The following SEMA4F variants were observed in gnomAD, a reference collection of about 807,000 sequenced individuals.
SEMA4F encodes semaphorin-4F.
A neutral mutation model predicts 78.4 loss-of-function variants in SEMA4F; 51 were observed. The observed-to-expected ratio is 0.65, with a 90% CI of 0.52 to 0.82. The LOEUF is 0.82. Ranked by LOEUF, SEMA4F falls within the 40% of genes least tolerant of loss-of-function variation. The probability of loss-of-function intolerance (pLI) is 0.00; values close to 1 mark genes in which losing one functional copy is unlikely to be tolerated. For missense variants in SEMA4F, 938 were observed against 1,014.4 expected, an observed-to-expected ratio of 0.92 and a Z score of 1.02; for synonymous variants, 418 against 408.7, an observed-to-expected ratio of 1.02 and a Z score of -0.27.
chr2:74,700,875 C>T, the SEMA4F span, among the ~76,000 whole-genome samples: 1 of 152,168 alleles, frequency 6.6e-6, no homozygotes. Flanking sequence ...CTTGAGGTCT[C>T]TGGAGAATTC....
At chr2:74,705,937 T>A in the SEMA4F span, among the ~76,000 whole-genome samples, 1 of 150,938 alleles carries the variant, frequency 6.6e-6, no homozygotes, top group East Asian at 2.0e-4. Context: ...TGTTTGGAGG[T>A]TACAAGTTAT....
downstream of SEMA4F, among the ~76,000 whole-genome samples, chr2:74,687,757 G>T (rs1029972978): frequency 1.3e-5 from 2 of 151,984 alleles, no homozygotes; most frequent in African/African-American, 4.8e-5. Context: ...ATAGCTTTAG[G>T]GTGTCCTTCT....
chr2:74,668,113 AGTCAGTT>A (rs1316684162), intron 5 of SEMA4F, among the ~76,000 whole-genome samples: 1 of 152,186 alleles, frequency 6.6e-6, no homozygotes, highest in East Asian at 1.9e-4. Flanking sequence ...TAGAGACAGC[AGTCAGTT>A]GTCTTTGGGC....
intron 11 of SEMA4F, 46 bp downstream of exon 11, chr2:74,675,680 C>T (rs1162344310): frequency 6.2e-7 from 1 of 1,612,788 alleles, no homozygotes. Context: ...CATCTGAGTC[C>T]AGAGCCAGTT....
rs1418364611 is a variant in SEMA4F, at chr2:74,679,657, T to C, written c.1761T>C (p.Cys587=). 8.7e-6 allele frequency: 14 copies of C among 1,612,976 alleles called. No individual in the cohort carries two copies. The highest frequency in any genetic ancestry group is 1.1e-5 in the Non-Finnish European group (13 of 1,179,526). ...VATAAHVVLP[C]SPSSAWASCV... The stretch of plus-strand genomic sequence containing the variant: ...CAGCTGCGCATGTGGTCTTGCCATG[T>C]TCTCCAAGCTCAGCATGGGCATCCT... Residue 587 remains cysteine (C), a synonymous_variant, in exon 14 of 14, where the codon TGT becomes TGC. Transcript: ENST00000357877.
chr2:74,675,206 C>G lies in SEMA4F; in HGVS notation c.1194C>G (p.Leu398=). The G allele has an allele frequency of 5.0e-6, 8 of 1,614,200 alleles. No homozygotes were observed. The highest frequency in any genetic ancestry group is 6.8e-6 in the Non-Finnish European group (8 of 1,180,040). Residue 398 remains leucine, a synonymous_variant, in exon 10 of 14, where the codon CTC becomes CTG. Transcript: ENST00000357877. ...AGCTCCGGCACTTTGGCTCATCTCT[C>G]TCCCTGCCTGACCGCGTACTCACCT... ...NMKLRHFGSS[L]SLPDRVLTFI...
Position 74,679,950 on chromosome 2 carries a change from AGCGACG to A in SEMA4F, c.2060_2065del (p.Arg687_Arg688del), listed in dbSNP as rs767234315. 1 of 1,614,254 alleles carries A rather than the reference AGCGACG, an allele frequency of 6.2e-7. No individual in the cohort carries two copies. Among genetic ancestry groups the A allele is most frequent in the Non-Finnish European group, 8.5e-7 (1 of 1,180,050 alleles). ...CTCATTCTGATTGGTCGGCGTCAGCAGCGACGGCGACAGAGGGAACTTCTGGCTAGA... is the reference window on the plus strand; with the variant it reads ...CTCATTCTGATTGGTCGGCGTCAGCAGCGACAGAGGGAACTTCTGGCTAGA... On this transcript the variant is annotated inframe_deletion, in exon 14 of 14. Transcript: ENST00000357877.
In SEMA4F at chr2:74,680,559, G is replaced by A. The variant is rs1024173922; in HGVS notation, c.*350G>A. On this transcript the variant is annotated 3_prime_UTR_variant, in exon 14 of 14. Coordinates refer to ENST00000357877, the MANE Select transcript of SEMA4F (RefSeq NM_004263.5). ...GCTATGACTTTGCTTTCTGGTTGGA[G>A]CCTGGCCGGAAGGAAGAGCCCTGGA... is the stretch of plus-strand genomic sequence containing the variant. 2.1e-5 allele frequency: 4 copies of A among 188,346 alleles called. No homozygotes were observed. Among genetic ancestry groups the A allele is most frequent in the African/African-American group, 9.4e-5 (4 of 42,768 alleles). The allele number at this position is 188,346 out of a possible 1,614,324, so 11.7% of individuals were successfully genotyped here.
chr2:74,680,327 G>A lies in SEMA4F; in HGVS notation c.*118G>A, dbSNP rs1333492749. 1.0e-5 allele frequency: 12 copies of A among 1,198,026 alleles called. No individual in the cohort carries two copies. In the South Asian group the frequency reaches 1.5e-4, roughly 15 times the overall value. The allele number at this position is 1,198,026 out of a possible 1,614,324, so 74.2% of individuals were successfully genotyped here. ...GCCTCTGAGTTCTCTTTGAGTATGA[G>A]TGATTACTTGGATTTTAGTATCTGT... is the stretch of plus-strand genomic sequence containing the variant. On this transcript the variant is annotated 3_prime_UTR_variant, in exon 14 of 14. Coordinates refer to ENST00000357877, the MANE Select transcript of SEMA4F (RefSeq NM_004263.5).
intron 12 of SEMA4F, 52 bp downstream of exon 12, chr2:74,675,961 T>C (rs773910430): frequency 8.7e-5 from 135 of 1,545,096 alleles, no homozygotes; most frequent in Non-Finnish European, 1.1e-4. Flanking sequence ...CTCTGTCCCA[T>C]CCATATGTCT....
the SEMA4F span, among the ~76,000 whole-genome samples, chr2:74,696,774 C>A: frequency 3.9e-5 from 6 of 152,146 alleles, no homozygotes; most frequent in Admixed American, 2.6e-4. Context: ...ATTCTTATTT[C>A]CATTATTTTT....
At chr2:74,656,464 T>G in intron 1 of SEMA4F, 70 bp from the exon 2 acceptor site, 1 of 1,525,142 alleles carries the variant, frequency 6.6e-7, no homozygotes, top group Non-Finnish European at 8.9e-7. Context: ...ATTGGCCCCT[T>G]TGGTTTTGCT....
intron 8 of SEMA4F, 34 bp downstream of exon 8, chr2:74,674,710 G>A (rs1199518543): frequency 1.9e-6 from 3 of 1,606,664 alleles, no homozygotes; most frequent in Non-Finnish European, 1.7e-6. Flanking sequence ...GAGTTACAGG[G>A]TGGGAGATAT....
At chr2:74,657,822 C>A in intron 3 of SEMA4F, 31 bp from the exon 4 acceptor site, 1 of 1,597,350 alleles carries the variant, frequency 6.3e-7, no homozygotes. Context: ...CCTGCTGCTT[C>A]TGATTCTTTC....
chr2:74,707,376 C>T, the SEMA4F span, among the ~76,000 whole-genome samples: 2 of 151,896 alleles, frequency 1.3e-5, no homozygotes, highest in Non-Finnish European at 2.9e-5. Context: ...TCTATCTATC[C>T]ATCTATCCAA....
chr2:74,688,175 C>T (rs1432223846), downstream of SEMA4F, among the ~76,000 whole-genome samples: 4 of 152,240 alleles, frequency 2.6e-5, no homozygotes, highest in Middle Eastern at 3.4e-3. Context: ...CCAGGTCTCT[C>T]GGATTCCAAA....
intron 5 of SEMA4F, among the ~76,000 whole-genome samples, chr2:74,663,774 A>T (rs1350516828): frequency 6.6e-6 from 1 of 152,206 alleles, no homozygotes; most frequent in Non-Finnish European, 1.5e-5. Context: ...AACACCTCAC[A>T]CTAGGTCCAC....
the SEMA4F span, among the ~76,000 whole-genome samples, chr2:74,692,883 G>T: frequency 3.9e-5 from 6 of 152,318 alleles, no homozygotes; most frequent in Admixed American, 3.3e-4. Context: ...AATGAGTTTT[G>T]CATGTGCACA....
At position 74,658,414 on chromosome 2, in the gene SEMA4F, CT is replaced by C. The variant is rs1684266973; in HGVS notation, c.456+464del. On this transcript the variant is annotated intron_variant, in intron 4 of 13. Coordinates refer to ENST00000357877, the MANE Select transcript of SEMA4F (RefSeq NM_004263.5). This position sits in a 1 kb window ranked among gnomAD's most constrained non-coding sequence, Gnocchi z 4.3. ...CTCTTACCACCTTCTCCTACTTCCA[CT>C]GCCAACCTCATTGTATATGGGCTGT... is the stretch of plus-strand genomic sequence containing the variant. 6.6e-6 allele frequency among the ~76,000 whole-genome samples: 1 copy of C among 152,248 alleles called. No individual in the cohort carries two copies. Among genetic ancestry groups the C allele is most frequent in the Admixed American group, 6.5e-5 (1 of 15,280 alleles).
Sources: gnomAD v4.1 joint callset for allele counts (sites outside exome capture counted in the v4.1 genomes callset) on GRCh38, gnomAD v4.1.1 for gene constraint, Gnocchi (gnomAD v3.1) non-coding constraint, MANE v1.5 for transcripts, NCBI Gene and HGNC (gene_info 2026-07-23, HGNC 2026-07-21) for gene names.